The following USH2A variants were observed in gnomAD, a reference collection of about 807,000 sequenced individuals.
USH2A encodes the protein Usher syndrome 2A (autosomal recessive, mild).
USH2A carries 443 observed loss-of-function variants against 538.9 expected under a neutral mutation model. That is an observed-to-expected ratio of 0.82 (90% CI 0.76 to 0.89). The LOEUF is 0.89. USH2A is among the 40% of genes least tolerant of loss of function. The pLI is 0.00. For missense variants in USH2A, 6,633 were observed against 6,324.8 expected, an observed-to-expected ratio of 1.05 and a Z score of -1.65; for synonymous variants, 2,413 against 2,273.5, an observed-to-expected ratio of 1.06 and a Z score of -1.75.
chr1:216,270,220 A>G (rs1461450196), intron 11 of USH2A, among the ~76,000 whole-genome samples: 1 of 152,112 alleles, frequency 6.6e-6, no homozygotes, highest in Non-Finnish European at 1.5e-5. Context: ...CATCTTCTCA[A>G]GAAACTCACT....
Position 215,966,943 on chromosome 1 carries a change from T to A in USH2A, c.6958-1464A>T, listed in dbSNP as rs115537564. Among the ~76,000 whole-genome samples the A allele has an allele frequency of 6.7e-3, 1,017 of 152,260 alleles. 16 individuals carry two copies. Among genetic ancestry groups the A allele is most frequent in the African/African-American group, 0.023 (949 of 41,550 alleles). On this transcript the variant is annotated intron_variant, in intron 36 of 71. Transcript: ENST00000307340. ...TAAATATTTGGATAAACACTTCAGT[T>A]TTTACTATACATTGAATTTGGCAAT...
chr1:215,718,855 A>G (rs777581508), intron 61 of USH2A, among the ~76,000 whole-genome samples: 73 of 152,238 alleles, frequency 4.8e-4, no homozygotes, highest in Non-Finnish European at 9.7e-4. Flanking sequence ...TCTCTGCTAA[A>G]TGGCATATAT....
intron 50 of USH2A, among the ~76,000 whole-genome samples, chr1:215,792,770 C>T (rs1408019307): frequency 2.0e-5 from 3 of 152,202 alleles, no homozygotes; most frequent in Non-Finnish European, 4.4e-5. Flanking sequence ...TAATTTATCA[C>T]ATGTAGCACT....
chr1:215,827,903 T>C (rs184190115), intron 47 of USH2A, among the ~76,000 whole-genome samples: 3 of 152,250 alleles, frequency 2.0e-5, no homozygotes, highest in Non-Finnish European at 2.9e-5. Flanking sequence ...AAATTAAATG[T>C]AAAATATTAA....
At chr1:216,000,647 A>C in intron 32 of USH2A, 85 bp from the exon 33 acceptor site, 2 of 1,528,194 alleles carry the variant, frequency 1.3e-6, no homozygotes, top group Non-Finnish European at 1.8e-6. Flanking sequence ...GTCCTATCTC[A>C]GAGAATTGTT....
rs2036061171 is a variant in USH2A at position 216,246,921 on chromosome 1, G to C, written c.2473C>G (p.Gln825Glu). ...TTTCCCTCCAAACATTTATTGCACTGTCTCCCTTCAACATTGGGCTTGCAG... is the reference window on the plus strand; with the variant it reads ...TTTCCCTCCAAACATTTATTGCACTCTCTCCCTTCAACATTGGGCTTGCAG... The part of the protein sequence containing the change: ...CICKPNVEGR[Q>E]CNKCLEGNFY... Residue 825 changes from glutamine to glutamate, a missense_variant, in exon 13 of 72, where the codon CAG becomes GAG. Transcript: ENST00000307340. 6.2e-7 allele frequency: 1 copy of C among 1,614,108 alleles called. No homozygotes were observed. Among genetic ancestry groups the C allele is most frequent in the East Asian group, 2.2e-5 (1 of 44,866 alleles).
intron 52 of USH2A, 39 bp downstream of exon 52, chr1:215,786,630 AC>A: frequency 6.2e-7 from 1 of 1,605,048 alleles, no homozygotes; most frequent in Non-Finnish European, 8.5e-7. Flanking sequence ...CTTCTCACTA[AC>A]CCCATTAAGC....
At chr1:216,212,259 G>A (rs1366121858) in intron 15 of USH2A, among the ~76,000 whole-genome samples, 2 of 152,130 alleles carry the variant, frequency 1.3e-5, no homozygotes, top group Non-Finnish European at 2.9e-5. Context: ...AATCTTGTCT[G>A]ACTCCACAGC....
At chr1:216,326,665 T>C (rs1398759655) in intron 5 of USH2A, among the ~76,000 whole-genome samples, 4 of 152,164 alleles carry the variant, frequency 2.6e-5, no homozygotes, top group Non-Finnish European at 5.9e-5. Context: ...CACCCTTTAC[T>C]GAGGCATACC....
At chr1:216,387,746 A>G (rs2039031019) in intron 3 of USH2A, among the ~76,000 whole-genome samples, 1 of 152,156 alleles carries the variant, frequency 6.6e-6, no homozygotes, top group African/African-American at 2.4e-5. Flanking sequence ...AAAATGTGTC[A>G]CAGGGTTTTT....
At chr1:215,766,639 G>T in intron 56 of USH2A, 42 bp downstream of exon 56, 1 of 1,557,278 alleles carries the variant, frequency 6.4e-7, no homozygotes, top group Non-Finnish European at 8.9e-7. Context: ...AAAATGCTAT[G>T]TGAAAATTTC....
At chr1:216,026,574 T>G (rs1445260003) in intron 32 of USH2A, among the ~76,000 whole-genome samples, 2 of 152,176 alleles carry the variant, frequency 1.3e-5, no homozygotes, top group African/African-American at 4.8e-5. Context: ...TGATAAATTC[T>G]CCACATAATG....
At chr1:216,118,429 G>T (rs913760005) in intron 21 of USH2A, among the ~76,000 whole-genome samples, 1 of 152,068 alleles carries the variant, frequency 6.6e-6, no homozygotes, top group African/African-American at 2.4e-5. Context: ...ACTTCTCTAT[G>T]GGAACAGGAG....
chr1:216,034,892 T>C (rs545492283), intron 32 of USH2A, among the ~76,000 whole-genome samples: 6 of 152,332 alleles, frequency 3.9e-5, no homozygotes, highest in Admixed American at 3.3e-4. Flanking sequence ...TTGGGTATTG[T>C]ATTAAGCAGC....
chr1:216,299,853 A>T (rs2037180482), intron 9 of USH2A, among the ~76,000 whole-genome samples: 1 of 152,200 alleles, frequency 6.6e-6, no homozygotes, highest in South Asian at 2.1e-4. Context: ...AATATACAGA[A>T]GCAAAGATTT....
At chr1:216,340,089 CT>C (rs2038047805) in intron 4 of USH2A, among the ~76,000 whole-genome samples, 1 of 151,608 alleles carries the variant, frequency 6.6e-6, no homozygotes, top group Non-Finnish European at 1.5e-5. Context: ...ACAAAATAGA[CT>C]GCTAGCTAGA....
intron 14 of USH2A, among the ~76,000 whole-genome samples, chr1:216,227,970 A>G (rs1213805547): frequency 6.6e-6 from 1 of 152,138 alleles, no homozygotes; most frequent in East Asian, 1.9e-4. Flanking sequence ...CAGGTACTCA[A>G]AAGGGTCATA....
intron 15 of USH2A, among the ~76,000 whole-genome samples, chr1:216,216,625 G>A (rs2035347009): frequency 6.6e-6 from 1 of 151,972 alleles, no homozygotes; most frequent in South Asian, 2.1e-4. Context: ...TAGGGATTCT[G>A]GAAAGGGTAA....
At chr1:216,253,586 G>C (rs1030087704) in intron 11 of USH2A, among the ~76,000 whole-genome samples, 3 of 152,144 alleles carry the variant, frequency 2.0e-5, no homozygotes, top group African/African-American at 4.8e-5. Context: ...TCCTCCTTAA[G>C]TTTATAAGAA....
Sources: gnomAD v4.1 joint callset for allele counts (sites outside exome capture counted in the v4.1 genomes callset) on GRCh38, gnomAD v4.1.1 for gene constraint, MANE v1.5 for transcripts, NCBI Gene and HGNC (gene_info 2026-07-23, HGNC 2026-07-21) for gene names.